The following ADCY2 variants were observed in gnomAD, a reference collection of about 807,000 sequenced individuals.
ADCY2 encodes adenylate cyclase 2, also known as adenylate cyclase type 2.
ADCY2 carries 31 observed loss-of-function variants against 125.2 expected under a neutral mutation model. The observed-to-expected ratio is 0.25, with a 90% CI of 0.19 to 0.33. The LOEUF is 0.33. Ranked by LOEUF, ADCY2 falls within the 10% of genes least tolerant of loss-of-function variation. The pLI, the probability that ADCY2 is intolerant of heterozygous loss-of-function variation, is 1.00. For synonymous variants in ADCY2, 512 were observed against 548.4 expected (o/e 0.93, Z 0.93); for missense variants, 904 against 1,418.2 (o/e 0.64, Z 5.82).
At chr5:7,820,452 C>T in intron 23 of ADCY2, 113 bp from the exon 24 acceptor site, 4 of 1,355,962 alleles carry the variant, frequency 2.9e-6, no homozygotes, top group Non-Finnish European at 4.0e-6. Context: ...CAAGATTGCG[C>T]CACTGCACTC....
At chr5:7,514,013 C>T (rs74422109) in intron 2 of ADCY2, among the ~76,000 whole-genome samples, 26,311 of 152,148 alleles carry the variant, frequency 0.17, 2,693 homozygotes, top group Non-Finnish European at 0.23. Flanking sequence ...TCTTGATTAG[C>T]TTGCTGATTC....
intron 13 of ADCY2, 35 bp from the exon 14 acceptor site, chr5:7,727,129 G>T: frequency 1.3e-6 from 2 of 1,522,420 alleles, no homozygotes; most frequent in Non-Finnish European, 1.8e-6. Flanking sequence ...TTCTCTTGGA[G>T]AACTGTCACT....
In ADCY2 at chr5:7,724,619, GT is replaced by G. The variant is rs770856893; in HGVS notation, c.1773+12del. 1.3e-4 allele frequency: 209 copies of G among 1,557,786 alleles called. 1 individual carries two copies. The African/African-American group carries it at 2.6e-3, about 19-fold the overall frequency. The stretch of plus-strand genomic sequence containing the variant: ...AACAAAGTACTAGAAAAAGAGGTAA[GT>G]TTTTTTCTTCTTCAAAATCATCAAT... On this transcript the variant is annotated splice_donor_region_variant and intron_variant, in intron 13 of 24. Coordinates refer to ENST00000338316, the MANE Select transcript of ADCY2 (RefSeq NM_020546.3).
In ADCY2 at chr5:7,637,244, C is replaced by A. The variant is rs1444913833; in HGVS notation, c.720+10928C>A. Among the ~76,000 whole-genome samples the A allele has an allele frequency of 2.0e-5, 3 of 151,964 alleles. No homozygotes were observed. The East Asian group carries it at 5.8e-4, about 29-fold the overall frequency. On this transcript the variant is annotated intron_variant, in intron 4 of 24. Coordinates refer to ENST00000338316, the MANE Select transcript of ADCY2 (RefSeq NM_020546.3). ...CAGCACTTTGGGAGGCCAAGGCAGG[C>A]GGATCACCTGAGGTCAGGAGTTCAA...
chr5:7,432,532 A>G (rs1218170932), intron 2 of ADCY2, among the ~76,000 whole-genome samples: 1 of 152,186 alleles, frequency 6.6e-6, no homozygotes, highest in Non-Finnish European at 1.5e-5. Flanking sequence ...TTCGTGCTCC[A>G]TCCCACGAGG....
intron 3 of ADCY2, among the ~76,000 whole-genome samples, chr5:7,574,473 G>GA (rs972223759): frequency 4.6e-5 from 7 of 151,720 alleles, no homozygotes; most frequent in Non-Finnish European, 1.0e-4. Flanking sequence ...TGGGGCAAGA[G>GA]AAAAAAAACA....
chr5:7,825,883 G>A (rs1745460364), intron 24 of ADCY2, among the ~76,000 whole-genome samples: 1 of 152,242 alleles, frequency 6.6e-6, no homozygotes, highest in South Asian at 2.1e-4. Context: ...CTCCGCTGAG[G>A]AGGAAGCTGT....
At chr5:7,435,150 A>G (rs2126385134) in intron 2 of ADCY2, among the ~76,000 whole-genome samples, 1 of 152,264 alleles carries the variant, frequency 6.6e-6, no homozygotes, top group East Asian at 1.9e-4. Context: ...TGTGGTCGCT[A>G]TGTTGTGCCA....
At chr5:7,602,361 G>T (rs1737241185) in intron 3 of ADCY2, among the ~76,000 whole-genome samples, 1 of 152,182 alleles carries the variant, frequency 6.6e-6, no homozygotes, top group Non-Finnish European at 1.5e-5. Context: ...GGGAAAGAAT[G>T]TGTCTTCTAT....
chr5:7,440,963 A>G (rs1462675101), intron 2 of ADCY2, among the ~76,000 whole-genome samples: 1 of 152,176 alleles, frequency 6.6e-6, no homozygotes, highest in East Asian at 1.9e-4. Context: ...GAGAAAACCA[A>G]GTCATAGGAA....
At chr5:7,494,188 C>T (rs1743266799) in intron 2 of ADCY2, among the ~76,000 whole-genome samples, 1 of 152,120 alleles carries the variant, frequency 6.6e-6, no homozygotes. Context: ...GTCCACCCAT[C>T]CAGGGGAATC....
chr5:7,656,054 C>CT (rs1272806102), intron 4 of ADCY2, among the ~76,000 whole-genome samples: 24,084 of 132,322 alleles, frequency 0.18, 2,857 homozygotes, highest in African/African-American at 0.33. Flanking sequence ...TTTTCATTTT[C>CT]TTTTTTTTTT....
chr5:7,782,851 T>TTGGACACC lies in ADCY2; in HGVS notation c.2385-1513_2385-1506dup, dbSNP rs576692634. Among the ~76,000 whole-genome samples, 991 of 152,128 alleles carry TTGGACACC rather than the reference T, an allele frequency of 6.5e-3. 5 individuals carry two copies. Among genetic ancestry groups the TTGGACACC allele is most frequent in the Non-Finnish European group, 0.01 (691 of 68,040 alleles). ...CCCATCGGTCACTTCAGCTGTGCTG[T>TTGGACACC]TGGACACCGCAGTCATAGGCTCAGA... On this transcript the variant is annotated intron_variant, in intron 18 of 24. Transcript: ENST00000338316.
At chr5:7,487,318 C>T (rs1434559212) in intron 2 of ADCY2, among the ~76,000 whole-genome samples, 1 of 152,152 alleles carries the variant, frequency 6.6e-6, no homozygotes, top group Non-Finnish European at 1.5e-5. Context: ...TCTGAAATGA[C>T]CCCCACCATC....
intron 2 of ADCY2, among the ~76,000 whole-genome samples, chr5:7,509,660 C>T (rs78541367): frequency 0.085 from 12,948 of 152,224 alleles, 765 homozygotes; most frequent in Non-Finnish European, 0.13. Flanking sequence ...TCTTTTGAAG[C>T]CCTGGCTTTC....
chr5:7,459,022 G>A (rs1163582849), intron 2 of ADCY2, among the ~76,000 whole-genome samples: 1 of 152,138 alleles, frequency 6.6e-6, no homozygotes, highest in African/African-American at 2.4e-5. Flanking sequence ...ATGAAGATGC[G>A]TTTTTCACTC....
rs1745129862 is a variant in ADCY2 at position 7,816,877 on chromosome 5, G to A, written c.2895G>A (p.Arg965=). 1.2e-6 allele frequency: 2 copies of A among 1,613,936 alleles called. No individual in the cohort carries two copies. Among genetic ancestry groups the A allele is most frequent in the Non-Finnish European group, 1.7e-6 (2 of 1,179,944 alleles). The stretch of plus-strand genomic sequence containing the variant: ...GTGTTTGTTCTCAGGAGCCCGAGCG[G>A]CAGTACATGCACATTGGCACCATGG... ...PSQEHSQEPE[R]QYMHIGTMVE... is the part of the protein sequence containing the mutation. Residue 965 remains arginine, a synonymous_variant, in exon 23 of 25, where the codon CGG becomes CGA. Coordinates refer to ENST00000338316, the MANE Select transcript of ADCY2 (RefSeq NM_020546.3).
intron 2 of ADCY2, among the ~76,000 whole-genome samples, chr5:7,429,141 G>A (rs7730403): frequency 0.42 from 63,730 of 151,896 alleles, 13,580 homozygotes; most frequent in South Asian, 0.52. Context: ...CTCCAGGAAA[G>A]AGCAGGTGAA....
intron 4 of ADCY2, among the ~76,000 whole-genome samples, chr5:7,652,381 T>C (rs1224156953): frequency 6.6e-6 from 1 of 152,208 alleles, no homozygotes; most frequent in Non-Finnish European, 1.5e-5. Context: ...TTTTTCTTGC[T>C]GAACAAAAAC....
Sources: gnomAD v4.1 joint callset for allele counts (sites outside exome capture counted in the v4.1 genomes callset) on GRCh38, gnomAD v4.1.1 for gene constraint, MANE v1.5 for transcripts, NCBI Gene and HGNC (gene_info 2026-07-23, HGNC 2026-07-21) for gene names.